RFC3: variants seen among roughly 807,000 people sequenced by gnomAD.
The protein encoded by RFC3 is replication factor C subunit 3.
In RFC3, 41 loss-of-function variants were observed where a neutral mutation model predicts 45.1. The ratio of observed to expected loss-of-function variants is 0.91; its 90% CI spans 0.71 to 1.18. The LOEUF (loss-of-function observed/expected upper bound fraction) is 1.18, where lower values mean the gene tolerates loss of function less well. Among genes scored for constraint, RFC3 ranks in the 50% most tolerant of loss-of-function variants. The pLI is 0.00. For synonymous variants in RFC3, 149 were observed against 144.0 expected, an observed-to-expected ratio of 1.03 and a Z score of -0.25; for missense variants, 423 against 428.1, an observed-to-expected ratio of 0.99 and a Z score of 0.10.
At chr13:33,840,965 G>A (rs2082193947), downstream of RFC3, among the ~76,000 whole-genome samples, 1 of 152,100 alleles carries the variant, frequency 6.6e-6, no homozygotes, top group African/African-American at 2.4e-5. Context: ...TAAAATTCAG[G>A]GGTCCTCAGC....
chr13:33,859,530 A>G (rs2082327572), intron 8 of RFC3, among the ~76,000 whole-genome samples: 1 of 152,214 alleles, frequency 6.6e-6, no homozygotes, highest in Non-Finnish European at 1.5e-5. Flanking sequence ...CAAGTTTAGA[A>G]GTATACTCAG....
intron 8 of RFC3, among the ~76,000 whole-genome samples, chr13:33,875,101 A>G (rs1439955421): frequency 1.3e-5 from 2 of 152,352 alleles, no homozygotes; most frequent in Non-Finnish European, 2.9e-5. Context: ...TCATTCTACA[A>G]ATAATTATTG....
downstream of RFC3, among the ~76,000 whole-genome samples, chr13:33,838,393 C>G (rs947641821): frequency 6.6e-6 from 1 of 152,010 alleles, no homozygotes; most frequent in Non-Finnish European, 1.5e-5. Context: ...TTTTGTTTCT[C>G]TGGAATGTAG....
At chr13:33,825,982 C>A in intron 4 of RFC3, 96 bp downstream of exon 4, 1 of 594,514 alleles carries the variant, frequency 1.7e-6, no homozygotes, top group Non-Finnish European at 2.8e-6. Context: ...GAAGCCTGAT[C>A]TCTGGGCTCA....
At chr13:33,865,922 G>A (rs1322981243) in intron 8 of RFC3, among the ~76,000 whole-genome samples, 1 of 152,106 alleles carries the variant, frequency 6.6e-6, no homozygotes, top group Non-Finnish European at 1.5e-5. Flanking sequence ...AGCTGGGCGT[G>A]GTGGCTCATG....
At position 33,872,031 on chromosome 13, in the gene RFC3, A is replaced by G. The variant is rs146852623; in HGVS notation, c.879+36814A>G. Among the ~76,000 whole-genome samples the G allele has an allele frequency of 2.0e-5, 3 of 152,236 alleles. No homozygotes were observed. The East Asian group carries it at 5.8e-4, about 29-fold the overall frequency. On this transcript the variant is annotated intron_variant, in intron 8 of 8. Coordinates refer to the RFC3 transcript ENST00000434425. ...ATCATTTTATTAACGTTCAGACAGG[A>G]GGTTTCATTTGTTTCTTCAATTTTT...
chr13:33,889,510 G>A (rs764467863), intron 8 of RFC3, among the ~76,000 whole-genome samples: 3 of 152,296 alleles, frequency 2.0e-5, no homozygotes, highest in South Asian at 4.1e-4. Flanking sequence ...GATCAAATCA[G>A]GGTAGTTGGC....
intron 8 of RFC3, among the ~76,000 whole-genome samples, chr13:33,893,791 CAGTCACCTCA>C (rs2082578700): frequency 6.6e-6 from 1 of 151,804 alleles, no homozygotes; most frequent in South Asian, 2.1e-4. Flanking sequence ...AAGAAAGAAT[CAGTCACCTCA>C]AAGACAGATT....
intron 8 of RFC3, among the ~76,000 whole-genome samples, chr13:33,898,844 A>G (rs1170599586): frequency 2.0e-5 from 3 of 151,820 alleles, no homozygotes; most frequent in African/African-American, 7.2e-5. Flanking sequence ...AATACACAAA[A>G]TCCTTAGAGA....
At chr13:33,825,288 G>A (rs1248665189) in intron 3 of RFC3, among the ~76,000 whole-genome samples, 2 of 152,018 alleles carry the variant, frequency 1.3e-5, no homozygotes, top group Non-Finnish European at 2.9e-5. Context: ...TTATCTCATC[G>A]CTTTACTGAG....
At chr13:33,861,420 G>A (rs1421125625) in intron 8 of RFC3, among the ~76,000 whole-genome samples, 1 of 152,124 alleles carries the variant, frequency 6.6e-6, no homozygotes, top group Non-Finnish European at 1.5e-5. Flanking sequence ...CTGAGGTCAG[G>A]AGTTTGAGAC....
intron 8 of RFC3, among the ~76,000 whole-genome samples, chr13:33,952,444 G>T (rs538058977): frequency 5.8e-4 from 5 of 8,646 alleles, no homozygotes; most frequent in African/African-American, 6.2e-4. Flanking sequence ...GTGGGAAAAA[G>T]TTCAATTTAT....
intron 8 of RFC3, among the ~76,000 whole-genome samples, chr13:33,872,953 G>T (rs80251537): frequency 0.094 from 14,247 of 152,080 alleles, 1,262 homozygotes; most frequent in African/African-American, 0.21. Flanking sequence ...AGTGATGACT[G>T]AAAGAGCCAA....
At chr13:33,966,772 T>C (rs527518546), downstream of RFC3, among the ~76,000 whole-genome samples, 21 of 152,308 alleles carry the variant, frequency 1.4e-4, no homozygotes, top group African/African-American at 4.8e-4. Context: ...GTGGCATGAA[T>C]TTCTATAGCA....
chr13:33,841,916 G>T (rs1388463925), downstream of RFC3, among the ~76,000 whole-genome samples: 3 of 152,254 alleles, frequency 2.0e-5, no homozygotes, highest in Non-Finnish European at 2.9e-5. Flanking sequence ...CCTTGTGGGA[G>T]CTCTGGAAAT....
chr13:33,935,497 T>C (rs1240887601), intron 8 of RFC3, among the ~76,000 whole-genome samples: 8 of 152,194 alleles, frequency 5.3e-5, no homozygotes, highest in Admixed American at 4.6e-4. Flanking sequence ...TGAAGTTTTC[T>C]TTCTAATTAA....
intron 8 of RFC3, among the ~76,000 whole-genome samples, chr13:33,961,952 A>T (rs1198106545): frequency 5.9e-5 from 9 of 152,218 alleles, no homozygotes. Context: ...GCAAAAGAGA[A>T]GGAATGGGAC....
intron 8 of RFC3, among the ~76,000 whole-genome samples, chr13:33,860,668 A>G (rs2082335323): frequency 6.6e-6 from 1 of 152,188 alleles, no homozygotes; most frequent in Admixed American, 6.5e-5. Flanking sequence ...CAAGGCAAGG[A>G]GAGAAGAAAG....
Position 33,836,379 on chromosome 13 carries a change from T to C in RFC3, c.*84T>C. 6.5e-7 allele frequency: 1 copy of C among 1,536,020 alleles called. No homozygotes were observed. The highest frequency in any genetic ancestry group is 2.0e-5 in the Admixed American group (1 of 50,082). On this transcript the variant is annotated 3_prime_UTR_variant, in exon 9 of 9. Transcript: ENST00000380071. ...TTAAAAGAGCTGTGGGTAAATTAAC[T>C]GAACTTAATCATGTCGTATTTGCGT...
Sources: allele counts gnomAD v4.1 joint callset (sites outside exome capture counted in the v4.1 genomes callset), GRCh38; gene constraint gnomAD v4.1.1; transcripts MANE v1.5; gene names NCBI Gene and HGNC (gene_info 2026-07-23, HGNC 2026-07-21).